The following FMN1 variants were observed in gnomAD, a reference collection of about 807,000 sequenced individuals.
The protein encoded by FMN1 is formin-1.
FMN1 carries 110 observed loss-of-function variants against 132.4 expected under a neutral mutation model. The observed-to-expected ratio is 0.83, with a 90% CI of 0.71 to 0.97. The LOEUF (loss-of-function observed/expected upper bound fraction) is 0.97. Among genes scored for constraint, FMN1 ranks in the 50% least tolerant of loss-of-function variants. The pLI is 0.00. For synonymous variants in FMN1, 722 were observed against 651.7 expected (o/e 1.11, Z -1.64); for missense variants, 1,792 against 1,705.3 (o/e 1.05, Z -0.90).
At chr15:32,814,284 G>T (rs1480835246) in intron 17 of FMN1, among the ~76,000 whole-genome samples, 1 of 152,020 alleles carries the variant, frequency 6.6e-6, no homozygotes, top group Non-Finnish European at 1.5e-5. Flanking sequence ...TTCTAAACAA[G>T]CATATTTATA....
chr15:32,993,253 A>T (rs2033552779), intron 7 of FMN1, among the ~76,000 whole-genome samples: 1 of 151,470 alleles, frequency 6.6e-6, no homozygotes, highest in African/African-American at 2.5e-5. Context: ...TAAGTCAAAT[A>T]GGTCAAATAT....
At chr15:33,187,322 T>C (rs887683162) in intron 2 of FMN1, among the ~76,000 whole-genome samples, 3 of 152,144 alleles carry the variant, frequency 2.0e-5, no homozygotes, top group African/African-American at 7.2e-5. Flanking sequence ...TCTAAACTCT[T>C]AGAACACAGG....
chr15:33,113,221 C>T (rs1442114102), intron 4 of FMN1, among the ~76,000 whole-genome samples: 1 of 149,056 alleles, frequency 6.7e-6, no homozygotes, highest in Non-Finnish European at 1.5e-5. Flanking sequence ...CACTTTCTGA[C>T]ATATTCTTAC....
At chr15:32,859,573 T>C (rs929051759) in intron 16 of FMN1, among the ~76,000 whole-genome samples, 1 of 152,196 alleles carries the variant, frequency 6.6e-6, no homozygotes, top group Non-Finnish European at 1.5e-5. Context: ...CAATCCAATG[T>C]TTTTGCATCT....
intron 5 of FMN1, chr15:33,067,434 C>CA (rs775089294): frequency 6.2e-7 from 1 of 1,614,048 alleles, no homozygotes; most frequent in South Asian, 1.1e-5. Flanking sequence ...CCACCATCAT[C>CA]AGAGTCAGAA....
Position 33,132,611 on chromosome 15 carries a change from G to C in FMN1, c.1867+20437C>G, listed in dbSNP as rs976983437. Among the ~76,000 whole-genome samples the C allele has an allele frequency of 3.9e-5, 6 of 152,170 alleles. No individual in the cohort carries two copies. The South Asian group carries it at 1.2e-3, about 32-fold the overall frequency. ...CCCAGGATACTCACCACACCTAAGA[G>C]CGGAGGGAAGAATTGCAACAGGAAC... On this transcript the variant is annotated intron_variant, in intron 4 of 20. Coordinates refer to ENST00000616417, the MANE Select transcript of FMN1 (RefSeq NM_001277313.2).
At chr15:32,962,108 A>C (rs1309927012) in intron 9 of FMN1, among the ~76,000 whole-genome samples, 1 of 120,048 alleles carries the variant, frequency 8.3e-6, no homozygotes, top group Non-Finnish European at 1.8e-5. Flanking sequence ...GCAAGGATTT[A>C]TTATTATTAT....
In FMN1 at chr15:32,768,205, G is replaced by A. The variant is rs1434419147; in HGVS notation, c.*6105C>T. The stretch of plus-strand genomic sequence containing the variant: ...CTCAACACTTATCATCCATGTCATG[G>A]GGAGGTAGAGAGTAATTTCCCTGAA... On this transcript the variant is annotated 3_prime_UTR_variant, in exon 21 of 21. Transcript: ENST00000616417. The A allele has an allele frequency of 2.0e-5, 3 of 152,142 alleles. No homozygotes were observed. Among genetic ancestry groups the A allele is most frequent in the Non-Finnish European group, 4.4e-5 (3 of 68,024 alleles). 9.4% of individuals were successfully genotyped at this position (152,142 alleles called of 1,614,324 possible). A position where few individuals can be genotyped will look rare whatever the true frequency, so the allele number is the denominator to read the frequency against.
chr15:32,927,574 A>G (rs1252310277), intron 9 of FMN1, among the ~76,000 whole-genome samples: 1 of 152,184 alleles, frequency 6.6e-6, no homozygotes, highest in Admixed American at 6.5e-5. Flanking sequence ...ATTATTTTTT[A>G]TAATACTATG....
At chr15:32,862,222 T>C (rs920023386) in intron 16 of FMN1, among the ~76,000 whole-genome samples, 1 of 152,076 alleles carries the variant, frequency 6.6e-6, no homozygotes, top group Admixed American at 6.6e-5. Flanking sequence ...TGTCCTTCAC[T>C]GTTCAACCGG....
rs766133087 is a variant in FMN1, at chr15:32,969,186, T to C, written c.2515A>G (p.Ser839Gly). The C allele has an allele frequency of 3.1e-6, 5 of 1,613,958 alleles. No individual in the cohort carries two copies. The South Asian group carries it at 4.4e-5, about 14-fold the overall frequency. ...VPKKLNISSL[S>G]QLSPPNDHKD... is the part of the protein sequence containing the mutation. ...TGGTCATTTGGGGGTGAGAGCTGGCTTAAAGAGGAGATATTCAGCTTTTTG... is the reference window on the plus strand; with the variant it reads ...TGGTCATTTGGGGGTGAGAGCTGGCCTAAAGAGGAGATATTCAGCTTTTTG... The change falls in exon 8 of 21, where the codon AGC becomes GGC. Residue 839 changes from serine (S) to glycine (G), a missense_variant. Coordinates refer to ENST00000616417, the MANE Select transcript of FMN1 (RefSeq NM_001277313.2).
chr15:33,113,538 G>A (rs1014269879), intron 4 of FMN1, among the ~76,000 whole-genome samples: 4 of 151,980 alleles, frequency 2.6e-5, no homozygotes, highest in Non-Finnish European at 5.9e-5. Flanking sequence ...CATGAAGTAC[G>A]ACCCTGCTCC....
chr15:33,051,110 G>A (rs998500542), intron 6 of FMN1, among the ~76,000 whole-genome samples: 2 of 152,146 alleles, frequency 1.3e-5, no homozygotes, highest in Non-Finnish European at 2.9e-5. Context: ...GAGGGATCGG[G>A]GGATATAGAG....
intron 15 of FMN1, among the ~76,000 whole-genome samples, 169 bp downstream of exon 15, chr15:32,898,665 A>C (rs1007901220): frequency 6.6e-6 from 1 of 152,208 alleles, no homozygotes; most frequent in Non-Finnish European, 1.5e-5. Context: ...TCTCTTCATA[A>C]GTCAACTAAA....
intron 4 of FMN1, among the ~76,000 whole-genome samples, chr15:33,131,888 A>G (rs554150164): frequency 2.6e-5 from 4 of 152,288 alleles, no homozygotes; most frequent in Admixed American, 2.6e-4. Context: ...AAGATCCCCA[A>G]AGAAAGATAC....
chr15:33,003,682 G>A (rs1449358248), intron 7 of FMN1, among the ~76,000 whole-genome samples: 2 of 152,028 alleles, frequency 1.3e-5, no homozygotes, highest in African/African-American at 4.8e-5. Flanking sequence ...TCACAGAATT[G>A]GAAAAAACTA....
chr15:33,189,663 C>A (rs145425975), intron 2 of FMN1, among the ~76,000 whole-genome samples: 1 of 152,134 alleles, frequency 6.6e-6, no homozygotes, highest in African/African-American at 2.4e-5. Context: ...TGAGAGCCGG[C>A]CCCGTAAGCA....
intron 5 of FMN1, among the ~76,000 whole-genome samples, chr15:33,072,017 T>A (rs1380708025): frequency 1.3e-5 from 2 of 152,170 alleles, no homozygotes. Flanking sequence ...TGTCTTGTCT[T>A]AACCTCAAGA....
At position 32,855,457 on chromosome 15, in the gene FMN1, C is replaced by T. The variant is rs113306597; in HGVS notation, c.3928+1558G>A. On this transcript the variant is annotated intron_variant, in intron 17 of 20. Transcript: ENST00000616417. ...AGCCCTAGTAGAGAAGAGGCTAACA[C>T]ATTATCCCAAATGGGGATTTGCAAA... is the stretch of plus-strand genomic sequence containing the variant. 6.5e-3 allele frequency among the ~76,000 whole-genome samples: 983 copies of T among 152,284 alleles called. 7 individuals are homozygous for T. Among genetic ancestry groups the T allele is most frequent in the African/African-American group, 0.022 (928 of 41,568 alleles).
Sources: allele counts gnomAD v4.1 joint callset (sites outside exome capture counted in the v4.1 genomes callset), GRCh38; gene constraint gnomAD v4.1.1; transcripts MANE v1.5; gene names NCBI Gene and HGNC (gene_info 2026-07-23, HGNC 2026-07-21).